Variants in CCND1 observed in about 807,000 individuals in gnomAD.
The protein encoded by CCND1 is G1/S-specific cyclin-D1.
A neutral mutation model predicts 26.1 loss-of-function variants in CCND1; 9 were observed. The observed-to-expected ratio is 0.35, with a 90% CI of 0.21 to 0.60. The LOEUF (loss-of-function observed/expected upper bound fraction) is 0.60, where lower values mean the gene tolerates loss of function less well. Among genes scored for constraint, CCND1 ranks in the 20% least tolerant of loss-of-function variants. The probability of loss-of-function intolerance (pLI) is 0.79; values close to 1 mark genes in which losing one functional copy is unlikely to be tolerated. For missense variants in CCND1, 335 were observed against 392.9 expected, an observed-to-expected ratio of 0.85 and a Z score of 1.25; for synonymous variants, 194 against 166.1, an observed-to-expected ratio of 1.17 and a Z score of -1.29.
intron 4 of CCND1, 131 bp from the exon 5 acceptor site, chr11:69,650,987 C>A (rs993923890): frequency 1.3e-6 from 1 of 754,902 alleles, no homozygotes; most frequent in South Asian, 2.0e-5. Flanking sequence ...CAGCATGGGC[C>A]GAGGGACAGT....
At chr11:69,647,609 T>A (rs1220085363) in intron 3 of CCND1, among the ~76,000 whole-genome samples, 1 of 152,230 alleles carries the variant, frequency 6.6e-6, no homozygotes, top group Non-Finnish European at 1.5e-5. Flanking sequence ...GCGACATCTC[T>A]ACGTCCTCAT....
At chr11:69,649,774 C>T (rs573509945) in intron 4 of CCND1, among the ~76,000 whole-genome samples, 21 of 152,198 alleles carry the variant, frequency 1.4e-4, no homozygotes, top group South Asian at 4.2e-4. Flanking sequence ...GGGCGAGGGA[C>T]GGGCCGCAGG....
At chr11:69,645,181 G>T (rs574855391) in intron 3 of CCND1, among the ~76,000 whole-genome samples, 62 of 152,202 alleles carry the variant, frequency 4.1e-4, no homozygotes, top group African/African-American at 1.4e-3. Flanking sequence ...GGTCTGGGGT[G>T]GGGGGGCATG....
At position 69,644,023 on chromosome 11, in the gene CCND1, C is replaced by T. The variant is rs770238927; in HGVS notation, c.574+32C>T. The T allele has an allele frequency of 1.7e-5, 27 of 1,611,000 alleles. 1 individual carries two copies. In the East Asian group the frequency reaches 4.7e-4, roughly 28 times the overall value. On this transcript the variant is annotated intron_variant, in intron 3 of 4. Transcript: ENST00000227507. Reference sequence around the variant, plus strand: ...CAGGCCCGGCAGCCCCCGGCCTCCCCTTGAGAGCCGGCTCCTTAGGTGACC... The same window carrying T: ...CAGGCCCGGCAGCCCCCGGCCTCCCTTTGAGAGCCGGCTCCTTAGGTGACC...
At chr11:69,644,764 C>T (rs909411868) in intron 3 of CCND1, among the ~76,000 whole-genome samples, 5 of 152,222 alleles carry the variant, frequency 3.3e-5, no homozygotes, top group African/African-American at 1.2e-4. Flanking sequence ...TGCCTCTGAC[C>T]CCCCTGTGAC....
intron 4 of CCND1, among the ~76,000 whole-genome samples, chr11:69,650,005 G>A (rs2120115842): frequency 6.6e-6 from 1 of 152,298 alleles, no homozygotes; most frequent in African/African-American, 2.4e-5. Flanking sequence ...TCCCTATAAA[G>A]GTACAGGCGC....
In CCND1 at chr11:69,651,520, A is replaced by T. The variant is rs1039316488; in HGVS notation, c.*238A>T. On this transcript the variant is annotated 3_prime_UTR_variant, in exon 5 of 5. Coordinates refer to ENST00000227507, the MANE Select transcript of CCND1 (RefSeq NM_053056.3). Reference sequence around the variant, plus strand: ...GAGAGAGAGAGAAAAAAAAAATAGTATTTGCATAACCCTGAGCGGTGGGGG... The same window carrying T: ...GAGAGAGAGAGAAAAAAAAAATAGTTTTTGCATAACCCTGAGCGGTGGGGG... 1 of 414,712 alleles carries T rather than the reference A, an allele frequency of 2.4e-6. No homozygotes were observed. The highest frequency in any genetic ancestry group is 4.2e-6 in the Non-Finnish European group (1 of 235,496). 25.7% of individuals were successfully genotyped at this position (414,712 alleles called of 1,614,324 possible).
At chr11:69,641,770 G>C (rs1046102248) in intron 1 of CCND1, among the ~76,000 whole-genome samples, 2 of 152,138 alleles carry the variant, frequency 1.3e-5, no homozygotes, top group Admixed American at 1.3e-4. Flanking sequence ...GGAGAAGCCA[G>C]TGCCAGGGGC....
chr11:69,654,070 TGCCCTGGCAGGGTC>T lies in CCND1; in HGVS notation c.*2789_*2802del. 1.6e-6 allele frequency: 1 copy of T among 614,848 alleles called. No individual in the cohort carries two copies. The highest frequency in any genetic ancestry group is 1.8e-5 in the African/African-American group (1 of 54,752). The allele number at this position is 614,848 out of a possible 1,614,324, so 38.1% of individuals were successfully genotyped here. ...CTGCGGGCCCACGTGGTTGGGGCCC[TGCCCTGGCAGGGTC>T]ATCCTGTGCTCGGAGGCCATCTCGG... On this transcript the variant is annotated 3_prime_UTR_variant, in exon 5 of 5. Coordinates refer to ENST00000227507, the MANE Select transcript of CCND1 (RefSeq NM_053056.3). The surrounding 1 kb of genome is among the most constrained non-coding windows in gnomAD (Gnocchi z 6.3).
At position 69,653,143 on chromosome 11, in the gene CCND1, G is replaced by GT. The variant is rs1292481019; in HGVS notation, c.*1862dup. ...GTGGCAAGAGTGTGGAGGCTGACGTGTGAGGGAGGACAGGCGGGAGGAGGT... is the reference window on the plus strand; with the variant it reads ...GTGGCAAGAGTGTGGAGGCTGACGTGTTGAGGGAGGACAGGCGGGAGGAGGT... On this transcript the variant is annotated 3_prime_UTR_variant, in exon 5 of 5. Transcript: ENST00000227507. 3.4e-6 allele frequency: 2 copies of GT among 594,144 alleles called. No homozygotes were observed. Among genetic ancestry groups the GT allele is most frequent in the Non-Finnish European group, 6.0e-6 (2 of 335,804 alleles). The allele number at this position is 594,144 out of a possible 1,614,324, so 36.8% of individuals were successfully genotyped here.
At position 69,654,231 on chromosome 11, in the gene CCND1, G is replaced by A. The variant is rs1425169635; in HGVS notation, c.*2949G>A. ...AGGGACGCTTTGTCTGTCGTGATGG[G>A]GCAAGGGCACAAGTCCTGGATGTTG... On this transcript the variant is annotated 3_prime_UTR_variant, in exon 5 of 5. Transcript: ENST00000227507. This position sits in a 1 kb window ranked among gnomAD's most constrained non-coding sequence, Gnocchi z 6.3. 1.4e-6 allele frequency: 1 copy of A among 702,532 alleles called. No individual in the cohort carries two copies. The highest frequency in any genetic ancestry group is 2.7e-5 in the East Asian group (1 of 37,244). The allele number at this position is 702,532 out of a possible 1,614,324, so 43.5% of individuals were successfully genotyped here.
rs2120081044 is a variant in CCND1 at position 69,641,436 on chromosome 11, G to T, written c.123G>T (p.Ser41=). 6.2e-7 allele frequency: 1 copy of T among 1,613,452 alleles called. No individual in the cohort carries two copies. Among genetic ancestry groups the T allele is most frequent in the Non-Finnish European group, 8.5e-7 (1 of 1,180,026 alleles). ...AGGCGGAGGAGACCTGCGCGCCCTC[G>T]GTGTCCTACTTCAAATGTGTGCAGA... ...MLKAEETCAP[S]VSYFKCVQKE... is the part of the protein sequence containing the mutation. The change falls in exon 1 of 5, where the codon TCG becomes TCT. Residue 41 remains serine, a synonymous_variant. Transcript: ENST00000227507.
Position 69,643,910 on chromosome 11 carries a change from C to G in CCND1, c.493C>G (p.Leu165Val), listed in dbSNP as rs1432185835. Reference sequence around the variant, plus strand: ...CCCGCACGATTTCATTGAACACTTCCTCTCCAAAATGCCAGAGGCGGAGGA... The same window carrying G: ...CCCGCACGATTTCATTGAACACTTCGTCTCCAAAATGCCAGAGGCGGAGGA... ...MTPHDFIEHF[L>V]SKMPEAEENK... The change falls in exon 3 of 5, where the codon CTC (leucine) becomes GTC (valine). Residue 165 changes from leucine to valine, a missense_variant. Transcript: ENST00000227507. The G allele has an allele frequency of 6.2e-6, 10 of 1,613,564 alleles. No individual in the cohort carries two copies. Among genetic ancestry groups the G allele is most frequent in the African/African-American group, 1.3e-5 (1 of 74,950 alleles).
chr11:69,648,555 C>T (rs1045078933), intron 4 of CCND1, among the ~76,000 whole-genome samples: 1 of 152,218 alleles, frequency 6.6e-6, no homozygotes, highest in Non-Finnish European at 1.5e-5. Flanking sequence ...TCCGAGACAC[C>T]GGACAACGGG....
At chr11:69,645,451 G>T (rs550524685) in intron 3 of CCND1, among the ~76,000 whole-genome samples, 1 of 152,296 alleles carries the variant, frequency 6.6e-6, no homozygotes, top group African/African-American at 2.4e-5. Context: ...CACACCCTTT[G>T]TCTGCGAAGG....
rs1277345983 is a variant in CCND1, at chr11:69,643,444, G to C, written c.414+198G>C. 7.2e-5 allele frequency: 35 copies of C among 487,116 alleles called. No homozygotes were observed. The South Asian group carries it at 1.2e-3, about 17-fold the overall frequency. 30.2% of individuals were successfully genotyped at this position (487,116 alleles called of 1,614,324 possible). A position where few individuals can be genotyped will look rare whatever the true frequency, so the allele number is the denominator to read the frequency against. ...GCCCTCGTCCCGCCGCCCTGTGTGC[G>C]CTTGCCTGCGACTCCCACCGCGTTC... On this transcript the variant is annotated intron_variant, in intron 2 of 4. Transcript: ENST00000227507.
chr11:69,654,448 T>C lies in CCND1; in HGVS notation c.*3166T>C. The C allele has an allele frequency of 1.5e-6, 1 of 667,876 alleles. No individual in the cohort carries two copies. 41.4% of individuals were successfully genotyped at this position (667,876 alleles called of 1,614,324 possible). A position where few individuals can be genotyped will look rare whatever the true frequency, so the allele number is the denominator to read the frequency against. On this transcript the variant is annotated 3_prime_UTR_variant, in exon 5 of 5. Coordinates refer to ENST00000227507, the MANE Select transcript of CCND1 (RefSeq NM_053056.3). This position sits in a 1 kb window ranked among gnomAD's most constrained non-coding sequence, Gnocchi z 6.3. ...GAAGACAAAAAGACAAACATGAAAG[T>C]CTAGAAATAAAACTGGTAAAACCCC... is the stretch of plus-strand genomic sequence containing the variant.
chr11:69,647,714 C>T (rs1590915154), intron 3 of CCND1, among the ~76,000 whole-genome samples: 1 of 152,224 alleles, frequency 6.6e-6, no homozygotes, highest in African/African-American at 2.4e-5. Context: ...GTCCCCATCA[C>T]CTGTCCTGTG....
At chr11:69,646,008 T>C (rs1424126317) in intron 3 of CCND1, among the ~76,000 whole-genome samples, 1 of 152,144 alleles carries the variant, frequency 6.6e-6, no homozygotes, top group Non-Finnish European at 1.5e-5. Context: ...CCTGGAGCTT[T>C]GGTGTCTAAT....
Sources: gnomAD v4.1 joint callset for allele counts (sites outside exome capture counted in the v4.1 genomes callset) on GRCh38, gnomAD v4.1.1 for gene constraint, Gnocchi (gnomAD v3.1) non-coding constraint, MANE v1.5 for transcripts, NCBI Gene and HGNC (gene_info 2026-07-23, HGNC 2026-07-21) for gene names.